The following SCLT1 variants were observed in gnomAD, a reference collection of about 807,000 sequenced individuals.
SCLT1 encodes the protein sodium channel and clathrin linker 1, also known as sodium channel-associated protein 1.
A neutral mutation model predicts 112.8 loss-of-function variants in SCLT1; 78 were observed. The ratio of observed to expected loss-of-function variants is 0.69; its 90% CI spans 0.58 to 0.83. SCLT1 has a LOEUF of 0.83. SCLT1 is among the 40% of genes least tolerant of loss of function. SCLT1 has a pLI of 0.00. For synonymous variants in SCLT1, 257 were observed against 254.7 expected, an observed-to-expected ratio of 1.01 and a Z score of -0.09; for missense variants, 747 against 770.4, an observed-to-expected ratio of 0.97 and a Z score of 0.36.
At chr4:128,931,757 C>T (rs1027166047) in intron 18 of SCLT1, among the ~76,000 whole-genome samples, 9 of 152,268 alleles carry the variant, frequency 5.9e-5, no homozygotes, top group Admixed American at 1.3e-4. Context: ...CCACCGCACC[C>T]GGCCTACAGA....
chr4:129,005,306 GA>G (rs1193356072), intron 5 of SCLT1, among the ~76,000 whole-genome samples: 2 of 151,958 alleles, frequency 1.3e-5, no homozygotes, highest in South Asian at 2.1e-4. Context: ...AAAATGAAAT[GA>G]AAAAATAGTA....
chr4:129,028,591 C>T (rs1187686321), intron 5 of SCLT1, among the ~76,000 whole-genome samples: 2 of 152,132 alleles, frequency 1.3e-5, no homozygotes, highest in Admixed American at 6.6e-5. Flanking sequence ...AAAACCTATG[C>T]ATTACCATTC....
chr4:128,996,137 G>C (rs1449001713), intron 8 of SCLT1, among the ~76,000 whole-genome samples: 2 of 152,050 alleles, frequency 1.3e-5, no homozygotes, highest in African/African-American at 4.8e-5. Context: ...CGGCACTGGG[G>C]ACAGGGTGCC....
chr4:128,972,578 C>T (rs1006054447), intron 9 of SCLT1, among the ~76,000 whole-genome samples: 7 of 152,148 alleles, frequency 4.6e-5, no homozygotes. Flanking sequence ...GACCTCATGT[C>T]CAAAAACAGA....
At chr4:129,018,566 C>T (rs1003531499) in intron 5 of SCLT1, among the ~76,000 whole-genome samples, 1 of 152,128 alleles carries the variant, frequency 6.6e-6, no homozygotes, top group African/African-American at 2.4e-5. Context: ...TCTCAGTTCT[C>T]ACTCTTCTTC....
intron 4 of SCLT1, 173 bp from the exon 5 acceptor site, chr4:129,039,269 C>G: frequency 2.0e-6 from 1 of 496,740 alleles, no homozygotes; most frequent in Non-Finnish European, 3.6e-6. Flanking sequence ...ATAAACAGAA[C>G]ACAATAAAAC....
intron 18 of SCLT1, among the ~76,000 whole-genome samples, chr4:128,916,605 A>G (rs1339698844): frequency 6.6e-6 from 1 of 152,216 alleles, no homozygotes; most frequent in Non-Finnish European, 1.5e-5. Context: ...TTAAGGAAGA[A>G]ACATAGTTAA....
intron 18 of SCLT1, among the ~76,000 whole-genome samples, chr4:128,915,330 A>T (rs1735394873): frequency 6.6e-6 from 1 of 152,190 alleles, no homozygotes; most frequent in Non-Finnish European, 1.5e-5. Context: ...CCTAGCTGCA[A>T]TGTTTTGTGC....
intron 18 of SCLT1, among the ~76,000 whole-genome samples, chr4:128,904,178 T>C (rs1734524456): frequency 6.6e-6 from 1 of 152,084 alleles, no homozygotes; most frequent in Admixed American, 6.5e-5. Context: ...TATTATAGGG[T>C]ATAAGGATCA....
At chr4:128,975,725 A>G (rs1741113512) in intron 9 of SCLT1, among the ~76,000 whole-genome samples, 1 of 152,196 alleles carries the variant, frequency 6.6e-6, no homozygotes, top group Non-Finnish European at 1.5e-5. Flanking sequence ...AGTATAATAA[A>G]GCCAATCATT....
chr4:129,053,585 T>TTTTTTTTTTTTTTTTC (rs1749056216), intron 2 of SCLT1, among the ~76,000 whole-genome samples: 1 of 97,948 alleles, frequency 1.0e-5, no homozygotes, highest in African/African-American at 3.3e-5. Flanking sequence ...TTTTTTTTTT[T>TTTTTTTTTTTTTTTTC]TTTTTGCTTT....
chr4:129,075,077 T>C (rs1230754877), intron 2 of SCLT1, among the ~76,000 whole-genome samples: 1 of 152,118 alleles, frequency 6.6e-6, no homozygotes, highest in Non-Finnish European at 1.5e-5. Context: ...GTCAATAATA[T>C]TGTATTGTGG....
intron 9 of SCLT1, among the ~76,000 whole-genome samples, chr4:128,986,598 G>A (rs1336066835): frequency 1.3e-5 from 2 of 152,170 alleles, no homozygotes; most frequent in East Asian, 3.9e-4. Flanking sequence ...ATAGAGGACT[G>A]TGTCTTGCAA....
At chr4:129,051,520 C>T (rs1748790122) in intron 2 of SCLT1, among the ~76,000 whole-genome samples, 1 of 152,094 alleles carries the variant, frequency 6.6e-6, no homozygotes, top group South Asian at 2.1e-4. Context: ...TGATTTGGCT[C>T]TCTATTGGTC....
intron 7 of SCLT1, among the ~76,000 whole-genome samples, chr4:128,998,923 C>T (rs1743230589): frequency 6.6e-6 from 1 of 151,768 alleles, no homozygotes; most frequent in Non-Finnish European, 1.5e-5. Context: ...TAAAGAGCTT[C>T]CTCTCAAAAT....
chr4:129,000,174 A>C (rs1473337708), intron 6 of SCLT1, among the ~76,000 whole-genome samples: 1 of 151,974 alleles, frequency 6.6e-6, no homozygotes, highest in Non-Finnish European at 1.5e-5. Flanking sequence ...AAAAGTAATA[A>C]ATTTTCATTG....
chr4:128,955,971 A>G (rs1335830323), intron 13 of SCLT1, among the ~76,000 whole-genome samples: 2 of 152,162 alleles, frequency 1.3e-5, no homozygotes, highest in African/African-American at 4.8e-5. Context: ...CAACAGGAAC[A>G]CCTAAGGAAG....
At chr4:128,946,201 T>C (rs1274922422) in intron 15 of SCLT1, 49 bp from the exon 16 acceptor site, 11 of 1,253,288 alleles carry the variant, frequency 8.8e-6, no homozygotes, top group Non-Finnish European at 1.2e-5. Context: ...GAAACTGTCT[T>C]AATAAACAGT....
At chr4:129,033,613 G>T (rs1746939746) in intron 5 of SCLT1, among the ~76,000 whole-genome samples, 1 of 151,620 alleles carries the variant, frequency 6.6e-6, no homozygotes, top group Non-Finnish European at 1.5e-5. Context: ...AAAGAGCAGG[G>T]CTAGATAATG....
Sources: allele counts gnomAD v4.1 joint callset (sites outside exome capture counted in the v4.1 genomes callset), GRCh38; gene constraint gnomAD v4.1.1; transcripts MANE v1.5; gene names NCBI Gene and HGNC (gene_info 2026-07-23, HGNC 2026-07-21).